The following EDEM1 variants were observed in gnomAD, a reference collection of about 807,000 sequenced individuals.
EDEM1 encodes ER degradation-enhancing alpha-mannosidase-like protein 1.
A neutral mutation model predicts 74.4 loss-of-function variants in EDEM1; 67 were observed. The observed-to-expected ratio is 0.90, with a 90% confidence interval of 0.74 to 1.10. The LOEUF (loss-of-function observed/expected upper bound fraction) is 1.10. EDEM1 is among the 50% of genes least tolerant of loss of function. The probability of loss-of-function intolerance (pLI) is 0.00; values close to 1 mark genes in which losing one functional copy is unlikely to be tolerated. For missense variants in EDEM1, 926 were observed against 851.6 expected, an observed-to-expected ratio of 1.09 and a Z score of -1.09; for synonymous variants, 382 against 335.9, an observed-to-expected ratio of 1.14 and a Z score of -1.50.
At chr3:5,208,375 C>T in intron 8 of EDEM1, 112 bp downstream of exon 8, 1 of 1,316,274 alleles carries the variant, frequency 7.6e-7, no homozygotes. Context: ...TTCATAGTGA[C>T]TCTGATTGAG....
Position 5,213,348 on chromosome 3 carries a change from G to A in EDEM1, c.1710G>A (p.Lys570=), listed in dbSNP as rs2055190402. 2 of 1,613,922 alleles carry A rather than the reference G, an allele frequency of 1.2e-6. No homozygotes were observed. The highest frequency in any genetic ancestry group is 1.1e-5 in the South Asian group (1 of 91,020). ...LLFDEDNPVH[K]SGTRYMFTTE... ...TTGATGAAGACAATCCAGTACACAA[G>A]TCTGGAACCAGATACATGTTCACAA... Residue 570 remains lysine, a synonymous_variant, in exon 11 of 12, where the codon AAG becomes AAA. Transcript: ENST00000256497.
chr3:5,212,749 C>T (rs1271972464), intron 10 of EDEM1, among the ~76,000 whole-genome samples: 3 of 152,216 alleles, frequency 2.0e-5, no homozygotes, highest in Admixed American at 6.5e-5. Flanking sequence ...GATGCTCTTT[C>T]GTTCCGTGTC....
intron 2 of EDEM1, among the ~76,000 whole-genome samples, chr3:5,196,261 A>C (rs2054965696): frequency 6.6e-6 from 1 of 152,198 alleles, no homozygotes; most frequent in South Asian, 2.1e-4. Context: ...GTTTGAGACC[A>C]GCCTGACCAA....
chr3:5,205,736 T>C (rs1044032336), intron 6 of EDEM1, among the ~76,000 whole-genome samples: 2 of 152,356 alleles, frequency 1.3e-5, no homozygotes, highest in South Asian at 4.1e-4. Flanking sequence ...GTGAGTGATC[T>C]GAGAGAAAAA....
intron 2 of EDEM1, among the ~76,000 whole-genome samples, chr3:5,195,524 C>A (rs548105316): frequency 2.6e-5 from 4 of 152,032 alleles, no homozygotes; most frequent in Admixed American, 2.0e-4. Flanking sequence ...TTTTAGGGAA[C>A]CTATTTTTTT....
Position 5,213,513 on chromosome 3 carries a change from C to T in EDEM1, c.1875C>T (p.Ser625=). ...PKPHELKVIN[S]SSNCNRVPDE... ...CTCATGAGTTAAAAGTCATCAACTC[C>T]AGCTCCAACGTGAGTTGCTTTTTCC... The change falls in exon 11 of 12, where the codon TCC becomes TCT. Residue 625 remains serine, a synonymous_variant. Transcript: ENST00000256497. The T allele has an allele frequency of 1.9e-6, 3 of 1,607,340 alleles. No homozygotes were observed. Among genetic ancestry groups the T allele is most frequent in the Non-Finnish European group, 2.6e-6 (3 of 1,175,734 alleles).
Position 5,213,366 on chromosome 3 carries a change from G to A in EDEM1, c.1728G>A (p.Met576Ile). Residue 576 changes from methionine to isoleucine, a missense_variant, in exon 11 of 12, where the codon ATG becomes ATA. By Grantham distance (10) the Met-to-Ile change is conservative. Coordinates refer to ENST00000256497, the MANE Select transcript of EDEM1 (RefSeq NM_014674.3). ...TACACAAGTCTGGAACCAGATACAT[G>A]TTCACAACAGAGGGACACATTGTAT... Reference protein sequence around the residue: ...NPVHKSGTRYMFTTEGHIVSV... With the variant: ...NPVHKSGTRYIFTTEGHIVSV... 1 of 1,614,034 alleles carries A rather than the reference G, an allele frequency of 6.2e-7. No homozygotes were observed. The highest frequency in any genetic ancestry group is 1.1e-5 in the South Asian group (1 of 91,038).
intron 2 of EDEM1, among the ~76,000 whole-genome samples, chr3:5,199,065 C>T (rs1223228922): frequency 6.6e-6 from 1 of 152,200 alleles, no homozygotes; most frequent in Non-Finnish European, 1.5e-5. Flanking sequence ...TTATCCTGTG[C>T]TCCAAAAGAT....
intron 7 of EDEM1, among the ~76,000 whole-genome samples, chr3:5,207,786 G>T (rs1420645340): frequency 6.6e-6 from 1 of 152,220 alleles, no homozygotes; most frequent in African/African-American, 2.4e-5. Context: ...GGGATTACTG[G>T]CATGAGGCAC....
At chr3:5,209,448 A>G (rs993665766) in intron 8 of EDEM1, among the ~76,000 whole-genome samples, 28 of 152,162 alleles carry the variant, frequency 1.8e-4, no homozygotes, top group African/African-American at 6.8e-4. Flanking sequence ...TCACGTTGAC[A>G]GAGATGTCTT....
chr3:5,208,145 C>A lies in EDEM1; in HGVS notation c.1391C>A (p.Ala464Asp). 2 of 1,612,562 alleles carry A rather than the reference C, an allele frequency of 1.2e-6. No individual in the cohort carries two copies. Among genetic ancestry groups the A allele is most frequent in the Non-Finnish European group, 1.7e-6 (2 of 1,179,624 alleles). ...ATCTGCCTTCATGCCTTCTACTATG[C>A]CATATGGAAACGATATGGTGCCCTC... Reference protein sequence around the residue: ...DAICLHAFYYAIWKRYGALPE... With the variant: ...DAICLHAFYYDIWKRYGALPE... The change falls in exon 8 of 12, where the codon GCC (alanine) becomes GAC (aspartate). Residue 464 changes from alanine to aspartate, a missense_variant. Coordinates refer to ENST00000256497, the MANE Select transcript of EDEM1 (RefSeq NM_014674.3).
Position 5,216,711 on chromosome 3 carries a change from T to C in EDEM1, c.*793T>C, listed in dbSNP as rs1032530858. ...TAACAGATAGTCTCTTAGGTTATTA[T>C]GTTATGGTCTAAGAGGTTAACTGAC... On this transcript the variant is annotated 3_prime_UTR_variant, in exon 12 of 12. Transcript: ENST00000256497. The C allele has an allele frequency of 6.5e-6, 1 of 152,680 alleles. No homozygotes were observed. Among genetic ancestry groups the C allele is most frequent in the Non-Finnish European group, 1.5e-5 (1 of 68,056 alleles). 9.5% of individuals were successfully genotyped at this position (152,680 alleles called of 1,614,324 possible). A position where few individuals can be genotyped will look rare whatever the true frequency, so the allele number is the denominator to read the frequency against.
chr3:5,207,583 T>C (rs970637361), intron 7 of EDEM1, among the ~76,000 whole-genome samples: 1 of 152,226 alleles, frequency 6.6e-6, no homozygotes, highest in African/African-American at 2.4e-5. Flanking sequence ...CTTGGCTCAC[T>C]GCAACCTCCG....
At chr3:5,207,353 CT>C in intron 7 of EDEM1, 80 bp downstream of exon 7, 1 of 1,567,850 alleles carries the variant, frequency 6.4e-7, no homozygotes, top group Non-Finnish European at 8.6e-7. Flanking sequence ...TTTTAATACC[CT>C]GAGCATTCTC....
intron 6 of EDEM1, 76 bp downstream of exon 6, chr3:5,205,317 AAC>A (rs1421527938): frequency 7.0e-7 from 1 of 1,436,276 alleles, no homozygotes; most frequent in African/African-American, 1.4e-5. Flanking sequence ...TATTTTTTTT[AAC>A]ACACAATCAC....
chr3:5,215,814 T>G lies in EDEM1; in HGVS notation c.1885-15T>G, dbSNP rs768034066. On this transcript the variant is annotated splice_polypyrimidine_tract_variant and intron_variant, in intron 11 of 11. Transcript: ENST00000256497. ...CATATGAGTTTTTAATTTTCCCTCG[T>G]TTTTGTCTTTCTAGTGCAATCGTGT... The G allele has an allele frequency of 1.2e-6, 2 of 1,611,354 alleles. No individual in the cohort carries two copies. The highest frequency in any genetic ancestry group is 1.3e-5 in the African/African-American group (1 of 74,982).
rs75905261 is a variant in EDEM1 at position 5,211,129 on chromosome 3, C to T, written c.1593C>T (p.Tyr531=). ...GATGATTGTTTTGTAGGTGTGGGTA[C>T]GCCACGCTGCATCACGTCATTGACA... ...LEKYTKVKCG[Y]ATLHHVIDKS... Residue 531 remains tyrosine (Y), a synonymous_variant, in exon 10 of 12, where the codon TAC becomes TAT. Transcript: ENST00000256497. 3.0e-3 allele frequency: 4,804 copies of T among 1,613,990 alleles called. 121 individuals are homozygous for T. In the African/African-American group the frequency reaches 0.057, roughly 19 times the overall value.
chr3:5,211,325 A>G (rs956706942), intron 10 of EDEM1, 109 bp downstream of exon 10: 7 of 1,047,446 alleles, frequency 6.7e-6, no homozygotes, highest in Non-Finnish European at 8.6e-6. Flanking sequence ...TGTGCTGGAC[A>G]TTGTGCATTC....
chr3:5,216,276 A>G lies in EDEM1; in HGVS notation c.*358A>G. 1 of 203,922 alleles carries G rather than the reference A, an allele frequency of 4.9e-6. No individual in the cohort carries two copies. The highest frequency in any genetic ancestry group is 9.8e-6 in the Non-Finnish European group (1 of 102,220). The allele number at this position is 203,922 out of a possible 1,614,324, so 12.6% of individuals were successfully genotyped here. A position where few individuals can be genotyped will look rare whatever the true frequency, so the allele number is the denominator to read the frequency against. On this transcript the variant is annotated 3_prime_UTR_variant, in exon 12 of 12. Coordinates refer to ENST00000256497, the MANE Select transcript of EDEM1 (RefSeq NM_014674.3). ...TTGCTGGCACCTGCTATACTGGAGT[A>G]TTGCTATGTCTTTAAAAAATTTTTT...
Sources: gnomAD v4.1 joint callset for allele counts (sites outside exome capture counted in the v4.1 genomes callset) on GRCh38, gnomAD v4.1.1 for gene constraint, MANE v1.5 for transcripts, NCBI Gene and HGNC (gene_info 2026-07-23, HGNC 2026-07-21) for gene names.